FMN1: variants seen among roughly 807,000 people sequenced by gnomAD.
FMN1 encodes formin-1.
In FMN1, 110 loss-of-function variants were observed where a neutral mutation model predicts 132.4. The ratio of observed to expected loss-of-function variants is 0.83; its 90% CI spans 0.71 to 0.97. FMN1 has a LOEUF of 0.97. Among genes scored for constraint, FMN1 ranks in the 50% least tolerant of loss-of-function variants. The pLI is 0.00. For synonymous variants in FMN1, 722 were observed against 651.7 expected (o/e 1.11, Z -1.64); for missense variants, 1,792 against 1,705.3 (o/e 1.05, Z -0.90).
rs343925 is a variant in FMN1 at position 33,008,281 on chromosome 15, C to T, written c.2162-206G>A. 0.91 allele frequency among the ~76,000 whole-genome samples: 138,525 copies of T among 152,148 alleles called. 63,835 individuals carry two copies. Among genetic ancestry groups the T allele is most frequent in the Non-Finnish European group, 0.98 (66,771 of 68,030 alleles). ...CTTCCTTTTAGCAAACGCTGAATTA[C>T]GAAAAGACACAAATTAAGCAGATGG... On this transcript the variant is annotated intron_variant, in intron 6 of 20. Coordinates refer to ENST00000616417, the MANE Select transcript of FMN1 (RefSeq NM_001277313.2).
chr15:33,059,553 A>G (rs1425627064), intron 6 of FMN1, among the ~76,000 whole-genome samples: 1 of 152,174 alleles, frequency 6.6e-6, no homozygotes, highest in African/African-American at 2.4e-5. Context: ...TTGGATCTTT[A>G]GATACTGGTA....
intron 4 of FMN1, among the ~76,000 whole-genome samples, chr15:33,113,552 A>G (rs980894558): frequency 1.3e-5 from 2 of 152,034 alleles, no homozygotes; most frequent in African/African-American, 4.8e-5. Context: ...CTGCTCCCCC[A>G]TCTTTAGTCA....
chr15:33,004,359 C>T (rs2034292597), intron 7 of FMN1, among the ~76,000 whole-genome samples: 1 of 152,054 alleles, frequency 6.6e-6, no homozygotes, highest in African/African-American at 2.4e-5. Context: ...AAAAAACAAC[C>T]CCATCAAAAA....
At chr15:33,061,757 TA>T (rs2037494818) in intron 6 of FMN1, among the ~76,000 whole-genome samples, 1 of 152,016 alleles carries the variant, frequency 6.6e-6, no homozygotes, top group Non-Finnish European at 1.5e-5. Context: ...CCAACAGTCC[TA>T]AACAATATAG....
intron 4 of FMN1, among the ~76,000 whole-genome samples, chr15:33,128,538 G>C (rs965853291): frequency 2.0e-5 from 3 of 152,226 alleles, no homozygotes; most frequent in Non-Finnish European, 4.4e-5. Flanking sequence ...GATATGTTAA[G>C]TAAACACATA....
intron 9 of FMN1, among the ~76,000 whole-genome samples, chr15:32,955,167 A>C (rs1423947863): frequency 2.0e-5 from 3 of 152,184 alleles, no homozygotes; most frequent in Non-Finnish European, 1.5e-5. Context: ...TATGACAGGC[A>C]CTTAACCAAA....
chr15:32,799,019 T>C (rs1265029306), intron 18 of FMN1, 66 bp from the exon 19 acceptor site: 3 of 1,293,002 alleles, frequency 2.3e-6, no homozygotes, highest in Non-Finnish European at 3.2e-6. Flanking sequence ...TAAAATCCAT[T>C]AGAGGGGGGA....
At chr15:33,100,022 G>A (rs1374736700) in intron 4 of FMN1, among the ~76,000 whole-genome samples, 2 of 152,092 alleles carry the variant, frequency 1.3e-5, no homozygotes, top group East Asian at 1.9e-4. Context: ...GGGTTTGGAG[G>A]TCTTCGTGTC....
At chr15:32,990,321 GAA>G (rs1272276030) in intron 7 of FMN1, among the ~76,000 whole-genome samples, 1 of 152,058 alleles carries the variant, frequency 6.6e-6, no homozygotes, top group Non-Finnish European at 1.5e-5. Flanking sequence ...TGAGGAAGAA[GAA>G]AAAAACTGCA....
intron 19 of FMN1, among the ~76,000 whole-genome samples, chr15:32,785,229 T>A (rs1257006381): frequency 1.1e-4 from 13 of 116,468 alleles, no homozygotes; most frequent in East Asian, 4.4e-4. Context: ...TTTTTTTTTT[T>A]TTTTTTTTGT....
intron 3 of FMN1, among the ~76,000 whole-genome samples, chr15:33,161,061 T>C (rs1054085786): frequency 1.3e-5 from 2 of 152,230 alleles, no homozygotes. Context: ...GACATCCTAA[T>C]TGATTTTGGC....
At chr15:33,160,069 A>T (rs1026884236) in intron 3 of FMN1, among the ~76,000 whole-genome samples, 2 of 152,206 alleles carry the variant, frequency 1.3e-5, no homozygotes, top group African/African-American at 4.8e-5. Flanking sequence ...GAAGTATGGG[A>T]AAGATTATGG....
At chr15:33,138,842 C>G (rs1003282911) in intron 4 of FMN1, among the ~76,000 whole-genome samples, 1 of 152,140 alleles carries the variant, frequency 6.6e-6, no homozygotes. Context: ...CAGCATCCTT[C>G]CAAAGTCTGC....
intron 19 of FMN1, among the ~76,000 whole-genome samples, chr15:32,781,316 G>A (rs145111094): frequency 1.8e-4 from 28 of 152,280 alleles, no homozygotes; most frequent in African/African-American, 6.7e-4. Flanking sequence ...GTAAGTGGCT[G>A]AGTAGCTTAG....
chr15:32,869,437 G>A (rs910272840), intron 16 of FMN1, among the ~76,000 whole-genome samples: 20 of 152,120 alleles, frequency 1.3e-4, no homozygotes, highest in African/African-American at 4.8e-4. Context: ...AGTAAGGGAG[G>A]GAGTCATGAG....
At chr15:33,012,927 A>T in intron 6 of FMN1, 2 of 521,248 alleles carry the variant, frequency 3.8e-6, no homozygotes, top group South Asian at 3.0e-5. Flanking sequence ...ACCGGTCTTC[A>T]AATTTTTGAT....
intron 15 of FMN1, among the ~76,000 whole-genome samples, chr15:32,897,788 A>G (rs773201472): frequency 1.3e-4 from 19 of 150,482 alleles, no homozygotes; most frequent in Non-Finnish European, 2.8e-4. Context: ...AAATTCTCCA[A>G]GTGAGTGGTC....
rs921899771 is a variant in FMN1, at chr15:33,153,096, A to C, written c.1819T>G (p.Leu607Val). 2.6e-6 allele frequency: 4 copies of C among 1,535,750 alleles called. No individual in the cohort carries two copies. In the African/African-American group the frequency reaches 5.5e-5, roughly 21 times the overall value. ...LVPGETLEKSLGPGKTTAEPQ... is the reference protein window; with the variant it reads ...LVPGETLEKSVGPGKTTAEPQ... ...TCAGCTGTGGTCTTCCCTGGCCCCA[A>C]GCTCTTTTCCAAAGTTTCCCCAGGC... The change falls in exon 4 of 21, where the codon TTG (leucine) becomes GTG (valine). Residue 607 changes from leucine (L) to valine (V), a missense_variant. Leu to Val is a conservative substitution (Grantham distance 32). This residue lies in a region of FMN1 where 1,150 missense variants were observed against 1,043.1 expected (regional missense o/e 1.10). Transcript: ENST00000616417.
chr15:33,018,434 C>T (rs1380504407), intron 6 of FMN1, among the ~76,000 whole-genome samples: 1 of 152,144 alleles, frequency 6.6e-6, no homozygotes, highest in Non-Finnish European at 1.5e-5. Flanking sequence ...GGTTGAGTCG[C>T]TCACCAATGG....
Sources: allele counts gnomAD v4.1 joint callset (sites outside exome capture counted in the v4.1 genomes callset), GRCh38; gene constraint gnomAD v4.1.1; regional missense constraint gnomAD v4.1.1; transcripts MANE v1.5; gene names NCBI Gene and HGNC (gene_info 2026-07-23, HGNC 2026-07-21).